Variants in COL25A1 observed in about 807,000 individuals in gnomAD.
The protein encoded by COL25A1 is collagen type XXV alpha 1 chain.
In COL25A1, 103 loss-of-function variants were observed where a neutral mutation model predicts 128.4. That is an observed-to-expected ratio of 0.80 (90% CI 0.68 to 0.94). The LOEUF (loss-of-function observed/expected upper bound fraction) is 0.94, where lower values mean the gene tolerates loss of function less well. Ranked by LOEUF, COL25A1 falls within the 40% of genes least tolerant of loss-of-function variation. COL25A1 has a pLI of 0.00. For missense variants in COL25A1, 745 were observed against 840.0 expected (o/e 0.89, Z 1.40); for synonymous variants, 279 against 277.2 (o/e 1.01, Z -0.06).
chr4:109,115,380 G>T (rs988408036), intron 3 of COL25A1, among the ~76,000 whole-genome samples: 1 of 152,080 alleles, frequency 6.6e-6, no homozygotes, highest in African/African-American at 2.4e-5. Flanking sequence ...GTAAAATTTG[G>T]TGGGAGCAGG....
chr4:109,146,648 AG>A (rs1198902502), intron 3 of COL25A1, among the ~76,000 whole-genome samples: 1 of 152,236 alleles, frequency 6.6e-6, no homozygotes, highest in Non-Finnish European at 1.5e-5. Context: ...GCTTCAAAAC[AG>A]CAACTGAAAG....
intron 11 of COL25A1, among the ~76,000 whole-genome samples, chr4:108,925,918 C>T (rs1391747814): frequency 5.3e-5 from 8 of 152,050 alleles, no homozygotes; most frequent in Admixed American, 5.2e-4. Flanking sequence ...GGCCTAAGGT[C>T]CCTAATGCAC....
At chr4:109,024,269 C>A (rs1430132011) in intron 5 of COL25A1, among the ~76,000 whole-genome samples, 1 of 143,914 alleles carries the variant, frequency 6.9e-6, no homozygotes, top group Non-Finnish European at 1.5e-5. Context: ...ACATACATAA[C>A]CCCATCATAA....
intron 11 of COL25A1, among the ~76,000 whole-genome samples, chr4:108,936,309 C>T (rs1028963929): frequency 6.6e-6 from 1 of 152,148 alleles, no homozygotes; most frequent in Admixed American, 6.5e-5. Flanking sequence ...TGGCTCACGC[C>T]TGTAATCCCA....
intron 3 of COL25A1, among the ~76,000 whole-genome samples, chr4:109,107,426 G>A (rs779498555): frequency 3.3e-5 from 5 of 152,158 alleles, no homozygotes; most frequent in Non-Finnish European, 7.3e-5. Flanking sequence ...CAATTTAGGA[G>A]TAATATGTAT....
At chr4:109,288,233 A>G (rs1353619122) in intron 3 of COL25A1, among the ~76,000 whole-genome samples, 2 of 152,134 alleles carry the variant, frequency 1.3e-5, no homozygotes, top group Admixed American at 1.3e-4. Context: ...ATCTCTTGCT[A>G]GTGAAAAAGA....
chr4:108,930,415 C>T (rs1202253986), intron 11 of COL25A1, among the ~76,000 whole-genome samples: 3 of 152,208 alleles, frequency 2.0e-5, no homozygotes, highest in African/African-American at 7.2e-5. Context: ...GCCCCAATGA[C>T]TTGAGCTCAC....
intron 3 of COL25A1, among the ~76,000 whole-genome samples, chr4:109,241,718 T>C (rs963781637): frequency 6.6e-6 from 1 of 152,062 alleles, no homozygotes; most frequent in East Asian, 1.9e-4. Flanking sequence ...ATGTCCTTTT[T>C]GAGCTTACAG....
In COL25A1 at chr4:108,903,048, A is replaced by C. The variant is rs192239020; in HGVS notation, c.781-1876T>G. Reference sequence around the variant, plus strand: ...TAGACTTTCAAAGAATAACCATGGTAGCCAGAGTTTTTTAAAAAATAAATG... The same window carrying C: ...TAGACTTTCAAAGAATAACCATGGTCGCCAGAGTTTTTTAAAAAATAAATG... On this transcript the variant is annotated intron_variant, in intron 13 of 37. Transcript: ENST00000399132. Among the ~76,000 whole-genome samples, 3 of 152,088 alleles carry C rather than the reference A, an allele frequency of 2.0e-5. No individual in the cohort carries two copies. The East Asian group carries it at 5.8e-4, about 29-fold the overall frequency.
rs746505096 is a variant in COL25A1, at chr4:108,946,319, G to A, written c.493-4882C>T. ...GTGTTATTGTCATTTTTATTGTTAC[G>A]CAGTAATAATGAGTGTTATAAGATT... On this transcript the variant is annotated intron_variant, in intron 8 of 37. Transcript: ENST00000399132. Among the ~76,000 whole-genome samples, 8 of 152,274 alleles carry A rather than the reference G, an allele frequency of 5.3e-5. No homozygotes were observed. In the East Asian group the frequency reaches 7.7e-4, roughly 15 times the overall value.
At chr4:108,941,055 C>A (rs982710619) in intron 9 of COL25A1, among the ~76,000 whole-genome samples, 5 of 152,144 alleles carry the variant, frequency 3.3e-5, no homozygotes, top group Non-Finnish European at 1.5e-5. Flanking sequence ...ATGAGGCTCC[C>A]ATCATATTGC....
At chr4:109,060,778 G>A (rs148014184) in intron 3 of COL25A1, among the ~76,000 whole-genome samples, 1,729 of 151,268 alleles carry the variant, frequency 0.011, 30 homozygotes, top group African/African-American at 0.039. Context: ...TTTTTCATTC[G>A]CCCGAGCTTA....
intron 3 of COL25A1, among the ~76,000 whole-genome samples, chr4:109,249,499 A>C (rs1780505935): frequency 6.6e-6 from 1 of 152,216 alleles, no homozygotes. Flanking sequence ...ATTTAAATGG[A>C]GAGACAAAAT....
intron 3 of COL25A1, among the ~76,000 whole-genome samples, chr4:109,277,962 C>T (rs1241399551): frequency 6.6e-6 from 1 of 151,932 alleles, no homozygotes; most frequent in East Asian, 1.9e-4. Flanking sequence ...GGTGAAACCC[C>T]ATCTCTACTA....
intron 3 of COL25A1, among the ~76,000 whole-genome samples, chr4:109,180,434 A>G (rs1332043135): frequency 6.6e-6 from 1 of 152,112 alleles, no homozygotes; most frequent in Non-Finnish European, 1.5e-5. Flanking sequence ...TATTATAGAG[A>G]GTTGGACAAG....
In COL25A1 at chr4:109,301,825, A is replaced by G; in HGVS notation, c.195T>C (p.Ala65=). The change falls in exon 2 of 38, where the codon GCT becomes GCC. Residue 65 remains alanine, a synonymous_variant. Coordinates refer to ENST00000399132, the MANE Select transcript of COL25A1 (RefSeq NM_198721.4). ...AAGGGGCCCCTTTGGCGGATTCGAG[A>G]GCGGCGATCCTCGCCTGGAGGTCGT... ...KTNDLQARIA[A]LESAKGAPSI... The G allele has an allele frequency of 6.2e-7, 1 of 1,614,216 alleles. No homozygotes were observed. The highest frequency in any genetic ancestry group is 8.5e-7 in the Non-Finnish European group (1 of 1,180,032).
chr4:108,868,086 A>G (rs1738159499), intron 20 of COL25A1, among the ~76,000 whole-genome samples: 1 of 152,132 alleles, frequency 6.6e-6, no homozygotes, highest in South Asian at 2.1e-4. Flanking sequence ...AGTAATGGGA[A>G]TAGTAATAAC....
chr4:109,120,356 G>A (rs981212599), intron 3 of COL25A1, among the ~76,000 whole-genome samples: 5 of 151,766 alleles, frequency 3.3e-5, no homozygotes, highest in African/African-American at 9.6e-5. Context: ...TTTTGTAGAT[G>A]ATATGATTGC....
At chr4:108,918,850 C>T (rs1365027019) in intron 12 of COL25A1, among the ~76,000 whole-genome samples, 3 of 152,076 alleles carry the variant, frequency 2.0e-5, no homozygotes, top group Admixed American at 6.6e-5. Flanking sequence ...CACGTGTGGG[C>T]GTGTGTGTGC....
Sources: gnomAD v4.1 joint callset for allele counts (sites outside exome capture counted in the v4.1 genomes callset) on GRCh38, gnomAD v4.1.1 for gene constraint, MANE v1.5 for transcripts, NCBI Gene and HGNC (gene_info 2026-07-23, HGNC 2026-07-21) for gene names.